The following DCTN4 variants were observed in gnomAD, a reference collection of about 807,000 sequenced individuals.
The protein encoded by DCTN4 is dynactin subunit 4.
A neutral mutation model predicts 62.7 loss-of-function variants in DCTN4; 23 were observed. The observed-to-expected ratio is 0.37, with a 90% CI of 0.26 to 0.52. The LOEUF (loss-of-function observed/expected upper bound fraction) is 0.52. Ranked by LOEUF, DCTN4 falls within the 20% of genes least tolerant of loss-of-function variation. DCTN4 has a pLI of 0.92. For synonymous variants in DCTN4, 199 were observed against 202.1 expected (o/e 0.98, Z 0.13); for missense variants, 514 against 580.4 (o/e 0.89, Z 1.18).
intron 1 of DCTN4, chr5:150,758,651 C>A (rs534219368): frequency 1.2e-5 from 15 of 1,253,792 alleles, no homozygotes; most frequent in Non-Finnish European, 1.5e-5. Flanking sequence ...CGCTCTAGAA[C>A]CAGAAGATCC....
intron 8 of DCTN4, among the ~76,000 whole-genome samples, chr5:150,723,217 C>T (rs1760018606): frequency 6.6e-6 from 1 of 152,148 alleles, no homozygotes; most frequent in African/African-American, 2.4e-5. Flanking sequence ...TACTTAAAAA[C>T]TACTAAAATA....
At chr5:150,744,307 C>T (rs1190588853) in intron 3 of DCTN4, among the ~76,000 whole-genome samples, 3 of 152,024 alleles carry the variant, frequency 2.0e-5, no homozygotes, top group East Asian at 3.9e-4. Context: ...ACCAAATCTA[C>T]GTCTGATTGG....
intron 3 of DCTN4, among the ~76,000 whole-genome samples, chr5:150,752,099 GAA>G (rs943287322): frequency 6.7e-6 from 1 of 150,090 alleles, no homozygotes. Context: ...TGAAACCTCA[GAA>G]AAAAAAATAC....
rs1358227113 is a variant in DCTN4 at position 150,717,336 on chromosome 5, G to C, written c.1071+940C>G. 3.3e-5 allele frequency among the ~76,000 whole-genome samples: 5 copies of C among 152,186 alleles called. No individual in the cohort carries two copies. In the East Asian group the frequency reaches 9.6e-4, roughly 29 times the overall value. ...GCGATCTCAGCTCACTGCAATCACT[G>C]TCTCCCGGGTTCAAGTGATTCTCCC... On this transcript the variant is annotated intron_variant, in intron 11 of 12. Transcript: ENST00000447998.
intron 8 of DCTN4, among the ~76,000 whole-genome samples, chr5:150,725,287 T>C (rs1289300566): frequency 1.3e-5 from 2 of 151,970 alleles, no homozygotes; most frequent in East Asian, 3.8e-4. Flanking sequence ...CAAGGTAGAT[T>C]CCTAAAAGTG....
intron 2 of DCTN4, chr5:150,755,578 A>G: frequency 2.2e-6 from 1 of 456,266 alleles, no homozygotes; most frequent in Non-Finnish European, 4.4e-6. Context: ...CTGATGAGAA[A>G]AAAACATCAT....
At position 150,715,788 on chromosome 5, in the gene DCTN4, G is replaced by A. The variant is rs187845497; in HGVS notation, c.1072-126C>T. 48 of 701,828 alleles carry A rather than the reference G, an allele frequency of 6.8e-5. No individual in the cohort carries two copies. In the Admixed American group the frequency reaches 1.2e-3, roughly 18 times the overall value. The allele number at this position is 701,828 out of a possible 1,614,324, so 43.5% of individuals were successfully genotyped here. On this transcript the variant is annotated intron_variant, in intron 11 of 12. Transcript: ENST00000447998. ...TTCAGGAAACATATACTACTTCTAT[G>A]GAGTTTATAAGAACAAAGGTTTTAA...
At chr5:150,755,614 A>G (rs551715247) in intron 2 of DCTN4, 7 of 456,138 alleles carry the variant, frequency 1.5e-5, no homozygotes, top group East Asian at 6.9e-5. Flanking sequence ...ATGACATTCT[A>G]TAAAATACCT....
intron 2 of DCTN4, 56 bp downstream of exon 2, chr5:150,756,361 T>A (rs1034028980): frequency 1.5e-6 from 2 of 1,326,192 alleles, no homozygotes; most frequent in African/African-American, 3.1e-5. Flanking sequence ...TAACTAGCTA[T>A]TTTAGAGAAC....
intron 2 of DCTN4, among the ~76,000 whole-genome samples, chr5:150,753,977 C>T (rs1752769776): frequency 1.3e-5 from 2 of 152,186 alleles, no homozygotes; most frequent in Non-Finnish European, 2.9e-5. Context: ...ACTGTCACAG[C>T]TTATGCCTTT....
intron 3 of DCTN4, among the ~76,000 whole-genome samples, chr5:150,745,299 G>T (rs2113117091): frequency 6.6e-6 from 1 of 150,770 alleles, no homozygotes; most frequent in South Asian, 2.1e-4. Context: ...AGCAAGTCCT[G>T]AGTGACCTAC....
intron 4 of DCTN4, among the ~76,000 whole-genome samples, chr5:150,737,882 G>T (rs1760636416): frequency 6.6e-6 from 1 of 152,074 alleles, no homozygotes; most frequent in Non-Finnish European, 1.5e-5. Context: ...GATTAACCAA[G>T]AAAAGATGAG....
At chr5:150,756,645 T>TC (rs1752875613) in intron 1 of DCTN4, among the ~76,000 whole-genome samples, 158 bp from the exon 2 acceptor site, 1 of 151,496 alleles carries the variant, frequency 6.6e-6, no homozygotes, top group African/African-American at 2.4e-5. Flanking sequence ...ACCTGTTTTT[T>TC]TTTTTTCTTC....
At chr5:150,714,426 T>A (rs1156560624) in intron 12 of DCTN4, among the ~76,000 whole-genome samples, 3 of 151,768 alleles carry the variant, frequency 2.0e-5, no homozygotes, top group African/African-American at 7.3e-5. Context: ...TTGCCCAGGC[T>A]GGAGTACAGT....
At chr5:150,732,091 G>GA (rs1259242373) in intron 5 of DCTN4, among the ~76,000 whole-genome samples, 38 of 152,314 alleles carry the variant, frequency 2.5e-4, no homozygotes, top group Admixed American at 2.1e-3. Flanking sequence ...GGACTATTCA[G>GA]AAAAATTCAC....
chr5:150,735,586 A>G (rs769910338), intron 4 of DCTN4, among the ~76,000 whole-genome samples: 8 of 152,198 alleles, frequency 5.3e-5, no homozygotes, highest in Non-Finnish European at 8.8e-5. Flanking sequence ...ATTGCAGTCC[A>G]GCTCTCAGGA....
chr5:150,727,775 C>CAAAAAAAAAAAAA, intron 8 of DCTN4, among the ~76,000 whole-genome samples: 1 of 82,414 alleles, frequency 1.2e-5, no homozygotes, highest in Non-Finnish European at 2.1e-5. Context: ...GACTCCGTCT[C>CAAAAAAAAAAAAA]AAAAAAAAAA....
At chr5:150,732,865 C>T (rs890350892) in intron 5 of DCTN4, among the ~76,000 whole-genome samples, 1 of 152,170 alleles carries the variant, frequency 6.6e-6, no homozygotes, top group African/African-American at 2.4e-5. Context: ...ATTCTACTTG[C>T]ATATATTACT....
Position 150,753,649 on chromosome 5 carries a change from T to C in DCTN4, c.215A>G (p.Asn72Ser), listed in dbSNP as rs749158756. Residue 72 changes from asparagine (N) to serine (S), a missense_variant, in exon 3 of 13, where the codon AAT (asparagine) becomes AGT (serine). Asn to Ser is a conservative substitution (Grantham distance 46, BLOSUM62 1). Coordinates refer to ENST00000447998, the MANE Select transcript of DCTN4 (RefSeq NM_016221.4). ...EAKLKKNRCA[N>S]CFDCPGCMHT... ...CATGCAGCCAGGACAGTCAAAACAATTGGCACATCTGTGACATGACAAACA... is the reference window on the plus strand; with the variant it reads ...CATGCAGCCAGGACAGTCAAAACAACTGGCACATCTGTGACATGACAAACA... The C allele has an allele frequency of 2.0e-5, 32 of 1,611,130 alleles. No homozygotes were observed. The highest frequency in any genetic ancestry group is 4.5e-5 in the East Asian group (2 of 44,870).
Sources: gnomAD v4.1 joint callset for allele counts (sites outside exome capture counted in the v4.1 genomes callset) on GRCh38, gnomAD v4.1.1 for gene constraint, MANE v1.5 for transcripts, NCBI Gene and HGNC (gene_info 2026-07-23, HGNC 2026-07-21) for gene names.